Variants in A1CF observed in about 807,000 individuals in gnomAD.
A1CF encodes APOBEC1 complementation factor, also known as APOBEC-1 stimulating protein.
A neutral mutation model predicts 68.9 loss-of-function variants in A1CF; 48 were observed. The observed-to-expected ratio is 0.70, with a 90% CI of 0.55 to 0.89. The LOEUF (loss-of-function observed/expected upper bound fraction) is 0.89, where lower values mean the gene tolerates loss of function less well. A1CF is among the 40% of genes least tolerant of loss of function. The pLI is 0.00. For synonymous variants in A1CF, 272 were observed against 260.4 expected (o/e 1.04, Z -0.43); for missense variants, 653 against 718.9 (o/e 0.91, Z 1.05).
chr10:50,873,929 G>T (rs1490004618), intron 1 of A1CF, among the ~76,000 whole-genome samples: 1 of 151,870 alleles, frequency 6.6e-6, no homozygotes, highest in Non-Finnish European at 1.5e-5. Context: ...AGAACAAGCA[G>T]GTATAAAATG....
At chr10:50,827,011 C>A (rs1838976131) in intron 7 of A1CF, among the ~76,000 whole-genome samples, 2 of 152,014 alleles carry the variant, frequency 1.3e-5, no homozygotes, top group South Asian at 4.1e-4. Context: ...GACTTTAAAC[C>A]AACAAAGATC....
rs538309133 is a variant in A1CF at position 50,849,253 on chromosome 10, A to G, written c.100-5131T>C. ...TATATAAAATAATTATCTATTTTGT[A>G]TAGTTTGTTCACCTTCACATCTTGT... is the stretch of plus-strand genomic sequence containing the variant. On this transcript the variant is annotated intron_variant, in intron 3 of 12. Transcript: ENST00000373997. Among the ~76,000 whole-genome samples the G allele has an allele frequency of 3.0e-4, 46 of 152,324 alleles. No individual in the cohort carries two copies. In the South Asian group the frequency reaches 9.1e-3, roughly 30 times the overall value.
chr10:50,882,978 G>A (rs1841849828), intron 1 of A1CF, among the ~76,000 whole-genome samples: 2 of 152,164 alleles, frequency 1.3e-5, no homozygotes, highest in African/African-American at 4.8e-5. Flanking sequence ...ATAACTAAGA[G>A]TTTTCTTCAG....
At chr10:50,850,405 A>C (rs747165903) in intron 3 of A1CF, among the ~76,000 whole-genome samples, 24 of 152,246 alleles carry the variant, frequency 1.6e-4, no homozygotes, top group Non-Finnish European at 3.1e-4. Context: ...ATTCAAAAGC[A>C]AATAGGCTTT....
rs568481237 is a variant in A1CF, at chr10:50,809,875, T to A, written c.1609+19A>T. ...AATACTCTCTGCAGGGCGCCATTTC[T>A]GGCACAATTTTCCCATACCTGGGAA... is the stretch of plus-strand genomic sequence containing the variant. On this transcript the variant is annotated intron_variant, in intron 12 of 12. Transcript: ENST00000373997. The A allele has an allele frequency of 1.2e-6, 2 of 1,613,574 alleles. No individual in the cohort carries two copies. The highest frequency in any genetic ancestry group is 4.5e-5 in the East Asian group (2 of 44,846).
In A1CF at chr10:50,809,926, G is replaced by A. The variant is rs1838017539; in HGVS notation, c.1577C>T (p.Ala526Val). Residue 526 changes from alanine (A) to valine (V), a missense_variant, in exon 12 of 13, where the codon GCT becomes GTT. Transcript: ENST00000373997. ...IPTDGGDGTM[A>V]TAAAAATAFP... ...AGCAGTAGCAGCAGCAGCAGCAGTAGCCATGGTGCCATCGCCTCCATCAGT... is the reference window on the plus strand; with the variant it reads ...AGCAGTAGCAGCAGCAGCAGCAGTAACCATGGTGCCATCGCCTCCATCAGT... 6.2e-7 allele frequency: 1 copy of A among 1,614,028 alleles called. No individual in the cohort carries two copies. Among genetic ancestry groups the A allele is most frequent in the South Asian group, 1.1e-5 (1 of 91,080 alleles).
chr10:50,819,145 TG>T (rs1838516057), intron 8 of A1CF, among the ~76,000 whole-genome samples: 2 of 152,120 alleles, frequency 1.3e-5, no homozygotes, highest in African/African-American at 4.8e-5. Flanking sequence ...CTTTCCTTAA[TG>T]GTGGGGTCTC....
chr10:50,820,727 C>A, intron 7 of A1CF, 78 bp from the exon 8 acceptor site: 1 of 1,189,388 alleles, frequency 8.4e-7, no homozygotes, highest in Admixed American at 2.4e-5. Flanking sequence ...CATCTAGCTG[C>A]AAAGAGTATT....
chr10:50,808,789 C>A (rs1006736678), intron 12 of A1CF, among the ~76,000 whole-genome samples: 8 of 152,134 alleles, frequency 5.3e-5, no homozygotes, highest in African/African-American at 4.8e-5. Context: ...AGAAAAAAAA[C>A]CCCAAAACCA....
chr10:50,812,804 A>G (rs577721599), intron 10 of A1CF, among the ~76,000 whole-genome samples: 13 of 152,320 alleles, frequency 8.5e-5, no homozygotes, highest in African/African-American at 3.1e-4. Flanking sequence ...AGCGCACTAC[A>G]TGGTGCATAA....
At chr10:50,885,128 G>A (rs1489304637) in intron 1 of A1CF, among the ~76,000 whole-genome samples, 1 of 152,130 alleles carries the variant, frequency 6.6e-6, no homozygotes, top group African/African-American at 2.4e-5. Context: ...GGAGATAATT[G>A]AATATATGAA....
chr10:50,859,766 G>C, intron 3 of A1CF, 76 bp downstream of exon 3: 2 of 1,276,428 alleles, frequency 1.6e-6, no homozygotes, highest in Non-Finnish European at 1.1e-6. Flanking sequence ...TTCCCATTTT[G>C]CATCTTAGGA....
At chr10:50,820,079 T>C (rs1442933438) in intron 8 of A1CF, among the ~76,000 whole-genome samples, 2 of 152,212 alleles carry the variant, frequency 1.3e-5, no homozygotes, top group Non-Finnish European at 2.9e-5. Context: ...GTAGTGAGGA[T>C]ATAGAAGCTT....
intron 3 of A1CF, among the ~76,000 whole-genome samples, chr10:50,845,326 C>A (rs7903843): frequency 0.033 from 4,954 of 152,166 alleles, 238 homozygotes; most frequent in African/African-American, 0.11. Flanking sequence ...TATATCTCAA[C>A]CAAGAATTAC....
In A1CF at chr10:50,800,957, A is replaced by G. The variant is rs770775561; in HGVS notation, c.*5772T>C. Reference sequence around the variant, plus strand: ...ACGTAAGACCTGTCTGTTTTGGGATAGAAGTAACTCAACTCAAGGAAGAAA... The same window carrying G: ...ACGTAAGACCTGTCTGTTTTGGGATGGAAGTAACTCAACTCAAGGAAGAAA... On this transcript the variant is annotated 3_prime_UTR_variant, in exon 13 of 13. Transcript: ENST00000373997. The G allele has an allele frequency of 2.0e-5, 3 of 152,190 alleles. No homozygotes were observed. The highest frequency in any genetic ancestry group is 4.4e-5 in the Non-Finnish European group (3 of 68,040). 9.4% of individuals were successfully genotyped at this position (152,190 alleles called of 1,614,324 possible). A position where few individuals can be genotyped will look rare whatever the true frequency, so the allele number is the denominator to read the frequency against.
chr10:50,843,995 C>A lies in A1CF; in HGVS notation c.227G>T (p.Cys76Phe), dbSNP rs1293989894. The change falls in exon 4 of 13, where the codon TGT becomes TTT. Residue 76 changes from cysteine (C) to phenylalanine (F), a missense_variant. Transcript: ENST00000373997. ...DLFEDELIPLCEKIGKIYEMR... is the reference protein window; with the variant it reads ...DLFEDELIPLFEKIGKIYEMR... Reference sequence around the variant, plus strand: ...TGTTAAATTTGGACTCACTTTTTCACATAATGGTATAAGCTCATCCTCAAA... The same window carrying A: ...TGTTAAATTTGGACTCACTTTTTCAAATAATGGTATAAGCTCATCCTCAAA... The A allele has an allele frequency of 1.2e-6, 2 of 1,612,990 alleles. No homozygotes were observed. Among genetic ancestry groups the A allele is most frequent in the South Asian group, 2.2e-5 (2 of 90,830 alleles).
intron 12 of A1CF, among the ~76,000 whole-genome samples, chr10:50,809,021 A>AAG (rs1031105453): frequency 6.6e-6 from 1 of 152,170 alleles, no homozygotes; most frequent in African/African-American, 2.4e-5. Flanking sequence ...CTAAAAAAAA[A>AAG]AAGGATAAAA....
At chr10:50,870,705 C>T (rs1841224956) in intron 1 of A1CF, among the ~76,000 whole-genome samples, 1 of 151,714 alleles carries the variant, frequency 6.6e-6, no homozygotes, top group Admixed American at 6.6e-5. Context: ...TCTTTAAAAG[C>T]AAATTATTCC....
At position 50,803,924 on chromosome 10, in the gene A1CF, C is replaced by T. The variant is rs1235107034; in HGVS notation, c.*2805G>A. 1 of 152,078 alleles carries T rather than the reference C, an allele frequency of 6.6e-6. No homozygotes were observed. Among genetic ancestry groups the T allele is most frequent in the Non-Finnish European group, 1.5e-5 (1 of 67,988 alleles). 9.4% of individuals were successfully genotyped at this position (152,078 alleles called of 1,614,324 possible). The stretch of plus-strand genomic sequence containing the variant: ...TTAAGTCTAAAAATATAAACCTATG[C>T]AAAATTAGCCTTTGGTTCTACCAGC... On this transcript the variant is annotated 3_prime_UTR_variant, in exon 13 of 13. Coordinates refer to ENST00000373997, the MANE Select transcript of A1CF (RefSeq NM_014576.4).
Sources: gnomAD v4.1 joint callset for allele counts (sites outside exome capture counted in the v4.1 genomes callset) on GRCh38, gnomAD v4.1.1 for gene constraint, MANE v1.5 for transcripts, NCBI Gene and HGNC (gene_info 2026-07-23, HGNC 2026-07-21) for gene names.